Variants in STAG1 observed in about 807,000 individuals in gnomAD.
STAG1 encodes the protein cohesin subunit SA-1.
STAG1 carries 26 observed loss-of-function variants against 170.9 expected under a neutral mutation model. The observed-to-expected ratio is 0.15, with a 90% CI of 0.11 to 0.21. The LOEUF is 0.21. Ranked by LOEUF, STAG1 falls within the 10% of genes least tolerant of loss-of-function variation. The pLI is 1.00. For missense variants in STAG1, 964 were observed against 1,509.5 expected, an observed-to-expected ratio of 0.64 and a Z score of 5.99; for synonymous variants, 514 against 497.7, an observed-to-expected ratio of 1.03 and a Z score of -0.44.
chr3:136,662,704 C>A (rs957415170), intron 1 of STAG1, among the ~76,000 whole-genome samples: 6 of 152,292 alleles, frequency 3.9e-5, no homozygotes, highest in African/African-American at 1.4e-4. Context: ...CTCAGCCCCC[C>A]AAAGTACTAG....
intron 4 of STAG1, 84 bp from the exon 5 acceptor site, chr3:136,568,945 G>T (rs571222865): frequency 3.1e-6 from 3 of 966,100 alleles, no homozygotes; most frequent in Non-Finnish European, 4.7e-6. Context: ...TTGTGTGTTT[G>T]TGTGTGTTTC....
chr3:136,438,347 C>T (rs1040221074), intron 15 of STAG1, among the ~76,000 whole-genome samples: 5 of 150,088 alleles, frequency 3.3e-5, no homozygotes, highest in South Asian at 2.1e-4. Flanking sequence ...CTCAGTCTCC[C>T]GAGTAGCTGG....
chr3:136,356,215 T>C (rs1936647607), intron 28 of STAG1, among the ~76,000 whole-genome samples: 1 of 152,138 alleles, frequency 6.6e-6, no homozygotes, highest in Non-Finnish European at 1.5e-5. Context: ...CTGTGCCCCC[T>C]GGCATTAGAG....
intron 5 of STAG1, among the ~76,000 whole-genome samples, chr3:136,548,664 T>C (rs1936260915): frequency 6.6e-6 from 1 of 152,230 alleles, no homozygotes; most frequent in African/African-American, 2.4e-5. Flanking sequence ...CATGGATGTC[T>C]TTCCATTTGT....
At chr3:136,395,391 G>A (rs184046895) in intron 22 of STAG1, among the ~76,000 whole-genome samples, 3 of 152,324 alleles carry the variant, frequency 2.0e-5, no homozygotes, top group Admixed American at 2.0e-4. Flanking sequence ...GGGAGGCTGA[G>A]GTGGGTGGAT....
At chr3:136,477,913 C>T (rs954067961) in intron 9 of STAG1, among the ~76,000 whole-genome samples, 2 of 152,058 alleles carry the variant, frequency 1.3e-5, no homozygotes, top group Non-Finnish European at 2.9e-5. Context: ...CCTCAGCCAC[C>T]CAAGTAGCTG....
intron 7 of STAG1, among the ~76,000 whole-genome samples, chr3:136,520,040 T>C (rs2107903080): frequency 6.6e-6 from 1 of 152,132 alleles, no homozygotes; most frequent in Non-Finnish European, 1.5e-5. Flanking sequence ...TGAATTAATA[T>C]GAATTAACTG....
intron 1 of STAG1, among the ~76,000 whole-genome samples, chr3:136,739,057 C>A (rs977519463): frequency 6.6e-6 from 1 of 152,144 alleles, no homozygotes; most frequent in South Asian, 2.1e-4. Context: ...AAAATCAAAT[C>A]TCCCTAAAAT....
At chr3:136,498,485 T>C (rs1415275584) in intron 9 of STAG1, among the ~76,000 whole-genome samples, 1 of 150,802 alleles carries the variant, frequency 6.6e-6, no homozygotes, top group African/African-American at 2.4e-5. Flanking sequence ...TTGAGGATGA[T>C]GGAAAGGTAG....
At chr3:136,545,098 G>T (rs1218029415) in intron 5 of STAG1, among the ~76,000 whole-genome samples, 1 of 151,870 alleles carries the variant, frequency 6.6e-6, no homozygotes, top group African/African-American at 2.4e-5. Flanking sequence ...GTCCAAGATG[G>T]AGTGCAATGG....
chr3:136,499,285 G>C (rs1453538911), intron 9 of STAG1, among the ~76,000 whole-genome samples: 2 of 151,978 alleles, frequency 1.3e-5, no homozygotes, highest in East Asian at 3.9e-4. Flanking sequence ...CTCTGGTTCA[G>C]GCAATCCTCC....
chr3:136,461,817 C>A (rs1399609371), intron 13 of STAG1, among the ~76,000 whole-genome samples: 1 of 151,980 alleles, frequency 6.6e-6, no homozygotes, highest in African/African-American at 2.4e-5. Flanking sequence ...GATTAGTAAC[C>A]AGAATATATA....
chr3:136,411,143 T>G (rs933265594), intron 21 of STAG1, among the ~76,000 whole-genome samples: 39 of 152,332 alleles, frequency 2.6e-4, no homozygotes, highest in African/African-American at 8.7e-4. Flanking sequence ...TATACTTCAT[T>G]TTTATGGGTG....
At chr3:136,446,589 ATTTTTAC>A (rs2088785932) in intron 14 of STAG1, among the ~76,000 whole-genome samples, 1 of 151,630 alleles carries the variant, frequency 6.6e-6, no homozygotes, top group African/African-American at 2.4e-5. Context: ...TGCCTGACTA[ATTTTTAC>A]ATTTTTAGTA....
At chr3:136,571,476 A>G (rs978107148) in intron 4 of STAG1, among the ~76,000 whole-genome samples, 2 of 151,994 alleles carry the variant, frequency 1.3e-5, no homozygotes, top group South Asian at 4.2e-4. Flanking sequence ...GGCTGAGATA[A>G]GAGGATCACT....
intron 1 of STAG1, among the ~76,000 whole-genome samples, chr3:136,734,402 T>C (rs1253898053): frequency 6.6e-6 from 1 of 152,204 alleles, no homozygotes; most frequent in East Asian, 1.9e-4. Context: ...AACTACCACC[T>C]GGACCTTTAA....
chr3:136,419,455 C>CA (rs1187471732), intron 20 of STAG1, among the ~76,000 whole-genome samples: 2 of 147,604 alleles, frequency 1.4e-5, no homozygotes, highest in East Asian at 3.9e-4. Context: ...CGCACCCAGC[C>CA]TTTTTTTTTT....
intron 5 of STAG1, among the ~76,000 whole-genome samples, chr3:136,559,159 A>G (rs930605772): frequency 5.8e-5 from 8 of 138,768 alleles, no homozygotes; most frequent in Non-Finnish European, 1.2e-4. Flanking sequence ...CTATCTATCT[A>G]TCTATATACG....
At chr3:136,514,102 TGTAA>T (rs1453939004) in intron 7 of STAG1, among the ~76,000 whole-genome samples, 1 of 152,204 alleles carries the variant, frequency 6.6e-6, no homozygotes, top group Non-Finnish European at 1.5e-5. Context: ...CTGAATTCTC[TGTAA>T]GTAGTATATG....
Sources: allele counts gnomAD v4.1 joint callset (sites outside exome capture counted in the v4.1 genomes callset), GRCh38; gene constraint gnomAD v4.1.1; transcripts MANE v1.5; gene names NCBI Gene and HGNC (gene_info 2026-07-23, HGNC 2026-07-21).